The following SEMA5A variants were observed in gnomAD, a reference collection of about 807,000 sequenced individuals.
SEMA5A encodes semaphorin 5A, also known as semaphorin-5A.
In SEMA5A, 55 loss-of-function variants were observed where a neutral mutation model predicts 135.5. The ratio of observed to expected loss-of-function variants is 0.41; its 90% CI spans 0.33 to 0.51. The LOEUF (loss-of-function observed/expected upper bound fraction) is 0.51, where lower values mean the gene tolerates loss of function less well. Ranked by LOEUF, SEMA5A falls within the 20% of genes least tolerant of loss-of-function variation. The pLI is 0.37. For synonymous variants in SEMA5A, 580 were observed against 546.5 expected, an observed-to-expected ratio of 1.06 and a Z score of -0.85; for missense variants, 1,290 against 1,419.9, an observed-to-expected ratio of 0.91 and a Z score of 1.47.
intron 1 of SEMA5A, among the ~76,000 whole-genome samples, chr5:9,485,066 A>T (rs1374393696): frequency 1.3e-5 from 2 of 152,222 alleles, no homozygotes; most frequent in Admixed American, 1.3e-4. Flanking sequence ...GTTCAGACTT[A>T]GACTAATGTA....
chr5:9,156,536 A>T (rs1742965830), intron 11 of SEMA5A, among the ~76,000 whole-genome samples: 1 of 152,178 alleles, frequency 6.6e-6, no homozygotes, highest in Non-Finnish European at 1.5e-5. Context: ...ATCATCTGAG[A>T]CACATGTTAG....
At chr5:9,285,308 G>C (rs1357265175) in intron 5 of SEMA5A, among the ~76,000 whole-genome samples, 3 of 152,096 alleles carry the variant, frequency 2.0e-5, no homozygotes, top group African/African-American at 7.2e-5. Flanking sequence ...ACACCATCTT[G>C]TTATTCTCCG....
intron 5 of SEMA5A, among the ~76,000 whole-genome samples, chr5:9,245,183 C>T (rs1748421353): frequency 6.6e-6 from 1 of 152,130 alleles, no homozygotes; most frequent in Non-Finnish European, 1.5e-5. Flanking sequence ...TCAAGCCACC[C>T]TGCTCCATCC....
intron 3 of SEMA5A, among the ~76,000 whole-genome samples, chr5:9,377,107 G>GA (rs57379643): frequency 0.067 from 6,031 of 89,654 alleles, 164 homozygotes; most frequent in Middle Eastern, 0.16. Context: ...TGTAGCTACC[G>GA]AAAAAAAAAA....
chr5:9,223,071 A>T (rs1747093744), intron 8 of SEMA5A, among the ~76,000 whole-genome samples: 1 of 152,240 alleles, frequency 6.6e-6, no homozygotes, highest in Non-Finnish European at 1.5e-5. Flanking sequence ...AGCTGCACAG[A>T]TGAAAGTTTC....
chr5:9,092,386 A>G (rs1739084506), intron 16 of SEMA5A, among the ~76,000 whole-genome samples: 1 of 152,198 alleles, frequency 6.6e-6, no homozygotes, highest in Admixed American at 6.5e-5. Flanking sequence ...TTTCTTTTCT[A>G]ATGAGGCTCT....
intron 3 of SEMA5A, among the ~76,000 whole-genome samples, chr5:9,358,561 T>C (rs1471919168): frequency 6.6e-6 from 1 of 152,206 alleles, no homozygotes; most frequent in Non-Finnish European, 1.5e-5. Flanking sequence ...TTCCACTAAA[T>C]GGCAGGTGCG....
At chr5:9,112,298 T>C (rs1442175395) in intron 15 of SEMA5A, among the ~76,000 whole-genome samples, 1 of 152,228 alleles carries the variant, frequency 6.6e-6, no homozygotes, top group Non-Finnish European at 1.5e-5. Flanking sequence ...ATGGACTAGA[T>C]TCTCAGCACT....
chr5:9,484,540 C>T (rs571215588), intron 1 of SEMA5A, among the ~76,000 whole-genome samples: 1 of 152,268 alleles, frequency 6.6e-6, no homozygotes. Context: ...TTTTACATTT[C>T]AAGAAAAGTA....
intron 8 of SEMA5A, among the ~76,000 whole-genome samples, chr5:9,221,433 G>T (rs1297999604): frequency 6.6e-6 from 1 of 150,494 alleles, no homozygotes; most frequent in Admixed American, 6.6e-5. Context: ...CTCCCGAGTA[G>T]CTGGGACTAC....
At chr5:9,239,307 T>C (rs374033143) in intron 5 of SEMA5A, among the ~76,000 whole-genome samples, 3 of 152,286 alleles carry the variant, frequency 2.0e-5, no homozygotes, top group African/African-American at 7.2e-5. Flanking sequence ...TCCCTGTTCA[T>C]AATGTTTGAT....
chr5:9,064,596 A>G (rs1204858010), intron 17 of SEMA5A, among the ~76,000 whole-genome samples: 1 of 152,182 alleles, frequency 6.6e-6, no homozygotes, highest in Non-Finnish European at 1.5e-5. Flanking sequence ...TTGAACAATG[A>G]GAACACATGG....
At chr5:9,098,661 G>A (rs1023217083) in intron 16 of SEMA5A, among the ~76,000 whole-genome samples, 3 of 152,200 alleles carry the variant, frequency 2.0e-5, no homozygotes, top group Admixed American at 6.5e-5. Flanking sequence ...CATTTGCTAT[G>A]CCTTTAACAG....
At chr5:9,171,975 T>C (rs1743947562) in intron 11 of SEMA5A, among the ~76,000 whole-genome samples, 1 of 152,116 alleles carries the variant, frequency 6.6e-6, no homozygotes, top group South Asian at 2.1e-4. Flanking sequence ...AAAGGCCAGG[T>C]CACTCAAACT....
chr5:9,472,691 G>A (rs927284677), intron 1 of SEMA5A, among the ~76,000 whole-genome samples: 1 of 152,066 alleles, frequency 6.6e-6, no homozygotes, highest in African/African-American at 2.4e-5. Context: ...TTTCTTCATT[G>A]TGCAAGCTGC....
rs1745737491 is a variant in SEMA5A at position 9,202,022 on chromosome 5, T to C, written c.865A>G (p.Asn289Asp). The change falls in exon 9 of 23, where the codon AAC becomes GAC. Residue 289 changes from asparagine (N) to aspartate (D), a missense_variant. By Grantham distance (23) the Asn-to-Asp change is conservative (BLOSUM62 1). This residue lies in a region of SEMA5A where 1,029 missense variants were observed against 1,086.6 expected (regional missense o/e 0.95). Transcript: ENST00000382496. ...AGGAAGAAAGTACTCTGCAATTCGT[T>C]GTAGTAAAAGGGGACTTCCCCAGGA... ...SRPGEVPFYY[N>D]ELQSTFFLPE... 1 of 1,613,982 alleles carries C rather than the reference T, an allele frequency of 6.2e-7. No homozygotes were observed. The highest frequency in any genetic ancestry group is 8.5e-7 in the Non-Finnish European group (1 of 1,180,010).
intron 15 of SEMA5A, among the ~76,000 whole-genome samples, chr5:9,112,234 C>CT (rs1300070732): frequency 9.2e-5 from 14 of 152,292 alleles, no homozygotes; most frequent in African/African-American, 2.4e-4. Flanking sequence ...AAATTATCCA[C>CT]TTTTTTTCAC....
chr5:9,274,799 A>G (rs1750168185), intron 5 of SEMA5A, among the ~76,000 whole-genome samples: 1 of 152,210 alleles, frequency 6.6e-6, no homozygotes, highest in Non-Finnish European at 1.5e-5. Flanking sequence ...CAAAGACACA[A>G]TGTACCAGAA....
chr5:9,310,844 T>C (rs947676875), intron 5 of SEMA5A, among the ~76,000 whole-genome samples: 1 of 149,294 alleles, frequency 6.7e-6, no homozygotes, highest in African/African-American at 2.4e-5. Context: ...TGTGTATATA[T>C]ATACACACAA....
Sources: gnomAD v4.1 joint callset for allele counts (sites outside exome capture counted in the v4.1 genomes callset) on GRCh38, gnomAD v4.1.1 for gene constraint, gnomAD v4.1.1 regional missense constraint, MANE v1.5 for transcripts, NCBI Gene and HGNC (gene_info 2026-07-23, HGNC 2026-07-21) for gene names.